Variants in CDH18 observed in about 807,000 individuals in gnomAD.
CDH18 encodes the protein cadherin 18.
A neutral mutation model predicts 67.9 loss-of-function variants in CDH18; 31 were observed. The ratio of observed to expected loss-of-function variants is 0.46; its 90% confidence interval spans 0.34 to 0.62. The LOEUF (loss-of-function observed/expected upper bound fraction) is 0.62, where lower values mean the gene tolerates loss of function less well. Ranked by LOEUF, CDH18 falls within the 20% of genes least tolerant of loss-of-function variation. The pLI, the probability that CDH18 is intolerant of heterozygous loss-of-function variation, is 0.01. For synonymous variants in CDH18, 362 were observed against 347.2 expected (o/e 1.04, Z -0.48); for missense variants, 890 against 975.5 (o/e 0.91, Z 1.17).
intron 12 of CDH18, among the ~76,000 whole-genome samples, chr5:19,477,607 A>T (rs191180853): frequency 8.5e-5 from 13 of 152,252 alleles, no homozygotes; most frequent in Non-Finnish European, 1.2e-4. Flanking sequence ...AAATCCTAAG[A>T]CCAAAGTATA....
chr5:20,243,656 AAAGCC>A (rs1245884256), intron 2 of CDH18, among the ~76,000 whole-genome samples: 2 of 152,240 alleles, frequency 1.3e-5, no homozygotes, highest in African/African-American at 2.4e-5. Flanking sequence ...AGCCACCCAA[AAAGCC>A]AATTTTTTTA....
chr5:19,522,457 A>C (rs1453819161), intron 9 of CDH18, among the ~76,000 whole-genome samples: 1 of 152,198 alleles, frequency 6.6e-6, no homozygotes, highest in Non-Finnish European at 1.5e-5. Context: ...AAAATGTCAC[A>C]AATAAGGACA....
intron 3 of CDH18, among the ~76,000 whole-genome samples, chr5:19,763,112 G>C (rs939002274): frequency 2.0e-5 from 3 of 152,156 alleles, no homozygotes; most frequent in African/African-American, 4.8e-5. Context: ...GTCTGGGGAT[G>C]GGGGAGGGAT....
chr5:19,951,520 T>C (rs1433724268), intron 2 of CDH18, among the ~76,000 whole-genome samples: 1 of 152,150 alleles, frequency 6.6e-6, no homozygotes, highest in Non-Finnish European at 1.5e-5. Flanking sequence ...TCTATCCAAT[T>C]TGGAACTTGT....
intron 6 of CDH18, among the ~76,000 whole-genome samples, chr5:19,597,377 T>C (rs1746344941): frequency 6.6e-6 from 1 of 152,226 alleles, no homozygotes; most frequent in Admixed American, 6.5e-5. Flanking sequence ...CCAATTGGAA[T>C]GCTTTGCAAC....
chr5:19,785,679 AATATATATATATATATATATATATAT>A (rs869169879), intron 3 of CDH18, among the ~76,000 whole-genome samples: 489 of 28,144 alleles, frequency 0.017, 17 homozygotes, highest in African/African-American at 0.059. Flanking sequence ...AAAAAAAAAA[AATATATATATATATATATATATATAT>A]ATATATATAT....
At chr5:19,653,710 T>A (rs1007574672) in intron 5 of CDH18, among the ~76,000 whole-genome samples, 1 of 152,178 alleles carries the variant, frequency 6.6e-6, no homozygotes, top group African/African-American at 2.4e-5. Flanking sequence ...TTGTTGCAAG[T>A]CAAGCCTGGG....
intron 2 of CDH18, among the ~76,000 whole-genome samples, chr5:20,086,632 T>C (rs1336314053): frequency 2.0e-5 from 3 of 152,096 alleles, no homozygotes; most frequent in Admixed American, 2.0e-4. Flanking sequence ...TCCCAGGATC[T>C]GTAAGAATTA....
intron 2 of CDH18, among the ~76,000 whole-genome samples, chr5:20,089,200 A>G (rs1030954595): frequency 2.2e-4 from 33 of 152,150 alleles, no homozygotes; most frequent in African/African-American, 7.7e-4. Flanking sequence ...CAAATATATC[A>G]GGTAAAACAA....
chr5:19,608,506 C>T (rs552046834), intron 6 of CDH18, among the ~76,000 whole-genome samples: 146 of 151,044 alleles, frequency 9.7e-4, no homozygotes, highest in African/African-American at 3.1e-3. Flanking sequence ...ACAACAGCTC[C>T]CCCCCCAAAA....
At chr5:20,165,629 A>C (rs1736223393) in intron 2 of CDH18, among the ~76,000 whole-genome samples, 1 of 152,144 alleles carries the variant, frequency 6.6e-6, no homozygotes, top group Admixed American at 6.5e-5. Flanking sequence ...TGTAACCATT[A>C]GGATATTTGA....
chr5:19,867,823 C>A (rs1785735686), intron 2 of CDH18, among the ~76,000 whole-genome samples: 1 of 152,120 alleles, frequency 6.6e-6, no homozygotes, highest in African/African-American at 2.4e-5. Flanking sequence ...TGTTTGCCCA[C>A]CCAAATCACA....
chr5:19,735,635 TCCTCCCGCCTCGG>T lies in CDH18; in HGVS notation c.523+11294_523+11306del, dbSNP rs527993282. 2.0e-3 allele frequency among the ~76,000 whole-genome samples: 297 copies of T among 152,174 alleles called. 1 individual carries two copies. Among genetic ancestry groups the T allele is most frequent in the African/African-American group, 6.9e-3 (286 of 41,530 alleles). On this transcript the variant is annotated intron_variant, in intron 4 of 12. Coordinates refer to ENST00000382275, the MANE Select transcript of CDH18 (RefSeq NM_004934.5). ...TGGTCTCAATCTCCTGACCTCATGA[TCCTCCCGCCTCGG>T]CCTCCCAAAGTGCTGGGATTACAAA...
intron 1 of CDH18, among the ~76,000 whole-genome samples, chr5:20,520,111 T>G (rs2126518049): frequency 6.6e-6 from 1 of 151,618 alleles, no homozygotes; most frequent in Non-Finnish European, 1.5e-5. Flanking sequence ...CAGATGTCCT[T>G]TTGAAAAGAG....
chr5:20,318,272 A>G (rs1450533519), intron 1 of CDH18, among the ~76,000 whole-genome samples: 2 of 152,186 alleles, frequency 1.3e-5, no homozygotes, highest in African/African-American at 4.8e-5. Flanking sequence ...TTACTCTACC[A>G]AAGTGGGAGT....
intron 7 of CDH18, among the ~76,000 whole-genome samples, chr5:19,576,873 T>C (rs1451530997): frequency 6.6e-6 from 1 of 152,144 alleles, no homozygotes; most frequent in Non-Finnish European, 1.5e-5. Flanking sequence ...TTTTAAAAAA[T>C]TGTGGTGTAG....
intron 3 of CDH18, among the ~76,000 whole-genome samples, chr5:19,763,112 G>A (rs939002274): frequency 6.6e-6 from 1 of 152,156 alleles, no homozygotes; most frequent in Admixed American, 6.5e-5. Flanking sequence ...GTCTGGGGAT[G>A]GGGGAGGGAT....
intron 11 of CDH18, among the ~76,000 whole-genome samples, chr5:19,485,422 A>AT (rs1269694737): frequency 6.6e-6 from 1 of 151,892 alleles, no homozygotes; most frequent in Non-Finnish European, 1.5e-5. Context: ...TGCCTGGCTA[A>AT]TTTTTTGTAT....
At chr5:19,746,310 T>G (rs1475276190) in intron 4 of CDH18, among the ~76,000 whole-genome samples, 1 of 152,196 alleles carries the variant, frequency 6.6e-6, no homozygotes, top group Non-Finnish European at 1.5e-5. Context: ...GAAAAATGCC[T>G]CCTTGGCTAT....
Sources: allele counts gnomAD v4.1 joint callset (sites outside exome capture counted in the v4.1 genomes callset), GRCh38; gene constraint gnomAD v4.1.1; transcripts MANE v1.5; gene names NCBI Gene and HGNC (gene_info 2026-07-23, HGNC 2026-07-21).